PRR12: variants seen among roughly 807,000 people sequenced by gnomAD.
PRR12 encodes proline rich 12, also known as proline-rich protein 12.
Under a neutral mutation model 138.0 loss-of-function variants are expected in PRR12, and 12 were observed. The observed-to-expected ratio is 0.09, with a 90% CI of 0.06 to 0.14. The LOEUF is 0.14. PRR12 is among the 10% of genes least tolerant of loss of function. The pLI, the probability that PRR12 is intolerant of heterozygous loss-of-function variation, is 1.00. For missense variants in PRR12, 2,692 were observed against 2,861.3 expected (o/e 0.94, Z 1.35); for synonymous variants, 1,567 against 1,291.7 (o/e 1.21, Z -4.57).
rs577041779 is a variant in PRR12 at position 49,596,076 on chromosome 19, G to A, written c.1741G>A (p.Gly581Ser). The A allele has an allele frequency of 7.2e-5, 116 of 1,601,614 alleles. No individual in the cohort carries two copies. The highest frequency in any genetic ancestry group is 9.3e-5 in the Non-Finnish European group (110 of 1,179,742). ...PPATGRPPGV[G>S]SPGAPGKYLS... is the part of the protein sequence containing the mutation. ...TGCCACCGGCCGTCCACCTGGAGTC[G>A]GCTCTCCAGGAGCCCCTGGCAAATA... is the stretch of plus-strand genomic sequence containing the variant. Residue 581 changes from glycine (G) to serine (S), a missense_variant, in exon 4 of 14, where the codon GGC becomes AGC. Around this residue, in one of 11 missense-constraint regions of PRR12, gnomAD observed 66 missense variants for 102.4 expected, o/e 0.64. Coordinates refer to ENST00000418929, the MANE Select transcript of PRR12 (RefSeq NM_020719.3). This position sits in a 1 kb window ranked among gnomAD's most constrained non-coding sequence, Gnocchi z 5.6.
intron 6 of PRR12, among the ~76,000 whole-genome samples, chr19:49,605,136 C>T (rs753751426): frequency 4.6e-5 from 7 of 151,966 alleles, no homozygotes; most frequent in Non-Finnish European, 8.8e-5. Context: ...CAGGAATGAG[C>T]CACTGTGCCT....
In PRR12 at chr19:49,597,549, C is replaced by T; in HGVS notation, c.3214C>T (p.Leu1072=). The T allele has an allele frequency of 3.8e-6, 6 of 1,584,956 alleles. No individual in the cohort carries two copies. The highest frequency in any genetic ancestry group is 5.1e-6 in the Non-Finnish European group (6 of 1,167,828). The change falls in exon 4 of 14, where the codon CTG becomes TTG. Residue 1072 remains leucine, a synonymous_variant. Coordinates refer to ENST00000418929, the MANE Select transcript of PRR12 (RefSeq NM_020719.3). The surrounding 1 kb of genome is among the most constrained non-coding windows in gnomAD (Gnocchi z 6.3). ...PIFCSTKPKK[L]LKTSSFHLLR... ...CTTCTGCTCTACCAAGCCAAAGAAG[C>T]TGCTCAAGACATCCTCCTTCCACCT...
rs369353346 is a variant in PRR12, at chr19:49,616,187, C to T, written c.5465C>T (p.Ser1822Leu). Residue 1822 changes from serine (S) to leucine (L), a missense_variant, in exon 9 of 14, where the codon TCG (serine) becomes TTG (leucine). This residue lies in a region of PRR12 where 259 missense variants were observed against 265.1 expected (regional missense o/e 0.98). Transcript: ENST00000418929. The surrounding 1 kb of genome is among the most constrained non-coding windows in gnomAD (Gnocchi z 4.2). ...GGGPPGSSSD[S>L]ESSPGAPSED... is the part of the protein sequence containing the mutation. ...GGCCCACCAGGCAGCTCCTCGGACTCGGAGTCCTCCCCTGGAGCCCCCAGC... is the reference window on the plus strand; with the variant it reads ...GGCCCACCAGGCAGCTCCTCGGACTTGGAGTCCTCCCCTGGAGCCCCCAGC... The T allele has an allele frequency of 9.0e-6, 14 of 1,550,402 alleles. No homozygotes were observed. The African/African-American group carries it at 1.2e-4, about 14-fold the overall frequency.
chr19:49,621,705 G>T, intron 11 of PRR12, 83 bp downstream of exon 11: 1 of 1,155,916 alleles, frequency 8.7e-7, no homozygotes, highest in Non-Finnish European at 1.2e-6. Flanking sequence ...CTGTTGGCGG[G>T]GGTGATCCTT....
chr19:49,596,852 A>AC lies in PRR12; in HGVS notation c.2522dup (p.Pro842AlafsTer95). The AC allele has an allele frequency of 1.5e-6, 1 of 650,786 alleles. No individual in the cohort carries two copies. Among genetic ancestry groups the AC allele is most frequent in the Non-Finnish European group, 2.4e-6 (1 of 414,514 alleles). 40.3% of individuals were successfully genotyped at this position (650,786 alleles called of 1,614,324 possible). A position where few individuals can be genotyped will look rare whatever the true frequency, so the allele number is the denominator to read the frequency against. On this transcript the variant is annotated frameshift_variant, in exon 4 of 14. Coordinates refer to ENST00000418929, the MANE Select transcript of PRR12 (RefSeq NM_020719.3). LOFTEE classifies it high-confidence loss of function. The surrounding 1 kb of genome is among the most constrained non-coding windows in gnomAD (Gnocchi z 5.6). ...GGGCACCCCAGCCACCTCCACCGCC[A>AC]CCCCCGCCTCCACCACCCATGCCCC...
intron 6 of PRR12, among the ~76,000 whole-genome samples, chr19:49,609,639 A>C (rs956018992): frequency 2.0e-5 from 3 of 150,052 alleles, no homozygotes; most frequent in Non-Finnish European, 4.4e-5. Flanking sequence ...GGAGAAGAGT[A>C]TGGTGTTGGG....
intron 10 of PRR12, 96 bp from the exon 11 acceptor site, chr19:49,621,423 TGAGTGG>T (rs1216321746): frequency 1.1e-6 from 1 of 915,678 alleles, no homozygotes; most frequent in Non-Finnish European, 1.7e-6. Flanking sequence ...CTTTTGTCTC[TGAGTGG>T]GAAGGGGATT....
chr19:49,607,753 T>C (rs1225123453), intron 6 of PRR12, among the ~76,000 whole-genome samples: 2 of 151,066 alleles, frequency 1.3e-5, no homozygotes, highest in Non-Finnish European at 2.9e-5. Context: ...GCGTGGTGGC[T>C]CACGCCTGTA....
chr19:49,607,704 T>C (rs1476394602), intron 6 of PRR12, among the ~76,000 whole-genome samples: 1 of 141,310 alleles, frequency 7.1e-6, no homozygotes, highest in African/African-American at 2.7e-5. Flanking sequence ...CGAGACCCTG[T>C]CTCAAAAAGA....
chr19:49,613,884 G>A (rs1245030128), intron 6 of PRR12, among the ~76,000 whole-genome samples: 1 of 152,126 alleles, frequency 6.6e-6, no homozygotes, highest in Non-Finnish European at 1.5e-5. Context: ...CGAGCCGGGT[G>A]GATCACCTGA....
chr19:49,601,628 T>A lies in PRR12; in HGVS notation c.4483T>A (p.Ser1495Thr). 6.5e-7 allele frequency: 1 copy of A among 1,532,534 alleles called. No individual in the cohort carries two copies. Among genetic ancestry groups the A allele is most frequent in the Non-Finnish European group, 8.8e-7 (1 of 1,142,744 alleles). The allele number at this position is 1,532,534 out of a possible 1,614,324, so 94.9% of individuals were successfully genotyped here. ...PPPLVAPTPS[S>T]PPPPPLPPPP... ...CCCGCTGGTGGCCCCCACGCCCAGCTCACCACCGCCACCGCCGCTGCCGCC... is the reference window on the plus strand; with the variant it reads ...CCCGCTGGTGGCCCCCACGCCCAGCACACCACCGCCACCGCCGCTGCCGCC... Residue 1495 changes from serine to threonine, a missense_variant, in exon 6 of 14, where the codon TCA becomes ACA. This residue lies in a region of PRR12 where 231 missense variants were observed against 200.8 expected (regional missense o/e 1.15). Transcript: ENST00000418929.
At position 49,599,231 on chromosome 19, in the gene PRR12, C is replaced by G. The variant is rs1404193984; in HGVS notation, c.3679-41C>G. 1.3e-6 allele frequency: 2 copies of G among 1,505,654 alleles called. No individual in the cohort carries two copies. Among genetic ancestry groups the G allele is most frequent in the Non-Finnish European group, 1.8e-6 (2 of 1,132,188 alleles). The allele number at this position is 1,505,654 out of a possible 1,614,324, so 93.3% of individuals were successfully genotyped here. ...CTGAGGGAGGATGGGACTGGGGGCC[C>G]AGGCTACTGGGCCCTCACGGCCCGC... On this transcript the variant is annotated intron_variant, in intron 4 of 13. Transcript: ENST00000418929. This position sits in a 1 kb window ranked among gnomAD's most constrained non-coding sequence, Gnocchi z 5.0.
At position 49,596,715 on chromosome 19, in the gene PRR12, C is replaced by T. The variant is rs757800589; in HGVS notation, c.2380C>T (p.Leu794=). The change falls in exon 4 of 14, where the codon CTG becomes TTG. Residue 794 remains leucine, a synonymous_variant. Coordinates refer to ENST00000418929, the MANE Select transcript of PRR12 (RefSeq NM_020719.3). This position sits in a 1 kb window ranked among gnomAD's most constrained non-coding sequence, Gnocchi z 5.6. ...CGGGGGCCCTGACCTCCCACTGGTG[C>T]TGCCTCCGCCTCCCCCCCAGCTGCT... ...EAGGPDLPLV[L]PPPPPQLLPS... The T allele has an allele frequency of 2.3e-5, 37 of 1,605,464 alleles. No homozygotes were observed. Among genetic ancestry groups the T allele is most frequent in the Admixed American group, 6.7e-5 (4 of 59,850 alleles).
chr19:49,593,500 T>G (rs2080743583), intron 2 of PRR12, 61 bp downstream of exon 2: 8 of 690,614 alleles, frequency 1.2e-5, no homozygotes, highest in Non-Finnish European at 1.5e-5. Flanking sequence ...AGGCAGCTGA[T>G]TGGCTGTTGA....
chr19:49,594,796 C>T lies in PRR12; in HGVS notation c.461C>T (p.Pro154Leu). 2 of 1,613,020 alleles carry T rather than the reference C, an allele frequency of 1.2e-6. No homozygotes were observed. The highest frequency in any genetic ancestry group is 1.7e-6 in the Non-Finnish European group (2 of 1,179,738). ...TCTGCCCTGTCGGCTTACCAACACC[C>T]GGCTTCCTTCGGCAGCCGCCCCTTC... is the stretch of plus-strand genomic sequence containing the variant. ...SSSALSAYQH[P>L]ASFGSRPFPV... Residue 154 changes from proline to leucine, a missense_variant, in exon 4 of 14, where the codon CCG becomes CTG. By Grantham distance (98) the Pro-to-Leu change is moderately conservative. Around this residue, in one of 11 missense-constraint regions of PRR12, gnomAD observed 211 missense variants for 266.3 expected, o/e 0.79. Coordinates refer to ENST00000418929, the MANE Select transcript of PRR12 (RefSeq NM_020719.3). The surrounding 1 kb of genome is among the most constrained non-coding windows in gnomAD (Gnocchi z 5.6).
intron 6 of PRR12, among the ~76,000 whole-genome samples, chr19:49,612,749 C>A (rs1881947807): frequency 6.6e-6 from 1 of 152,018 alleles, no homozygotes; most frequent in Non-Finnish European, 1.5e-5. Context: ...ACTGCAACCT[C>A]CACCTCCCGG....
chr19:49,622,934 G>A (rs866903221), intron 11 of PRR12, among the ~76,000 whole-genome samples: 2 of 87,018 alleles, frequency 2.3e-5, no homozygotes, highest in African/African-American at 5.3e-5. Flanking sequence ...TATATAGAGA[G>A]AGAGAGAGAG....
chr19:49,614,858 G>C lies in PRR12; in HGVS notation c.4891-18G>C. On this transcript the variant is annotated intron_variant, in intron 7 of 13. Transcript: ENST00000418929. The surrounding 1 kb of genome is among the most constrained non-coding windows in gnomAD (Gnocchi z 5.0). ...GGCAGTGTGAAGAATTTCCTCATGT[G>C]CCTCTTTCTCCCCATAGTATTTGGG... The C allele has an allele frequency of 1.2e-6, 2 of 1,613,920 alleles. No individual in the cohort carries two copies. Among genetic ancestry groups the C allele is most frequent in the Non-Finnish European group, 1.7e-6 (2 of 1,179,840 alleles).
rs751010871 is a variant in PRR12, at chr19:49,614,893, G to C, written c.4908G>C (p.Gly1636=). ...CATSNYLGYF[G]DAKNRYQRLY... ...CCCCATAGTATTTGGGGTATTTTGG[G>C]GATGCAAAAAATCGGTACCAGCGCC... The change falls in exon 8 of 14, where the codon GGG becomes GGC. Residue 1636 remains glycine, a synonymous_variant. Transcript: ENST00000418929. This position sits in a 1 kb window ranked among gnomAD's most constrained non-coding sequence, Gnocchi z 5.0. 1 of 1,613,948 alleles carries C rather than the reference G, an allele frequency of 6.2e-7. No individual in the cohort carries two copies. The highest frequency in any genetic ancestry group is 2.2e-5 in the East Asian group (1 of 44,880).
Sources: allele counts gnomAD v4.1 joint callset (sites outside exome capture counted in the v4.1 genomes callset), GRCh38; gene constraint gnomAD v4.1.1; regional missense constraint gnomAD v4.1.1; non-coding constraint Gnocchi (gnomAD v3.1); transcripts MANE v1.5; gene names NCBI Gene and HGNC (gene_info 2026-07-23, HGNC 2026-07-21).